The following MYO10 variants were observed in gnomAD, a reference collection of about 807,000 sequenced individuals.
The protein encoded by MYO10 is myosin X.
MYO10 carries 133 observed loss-of-function variants against 257.3 expected under a neutral mutation model. The observed-to-expected ratio is 0.52, with a 90% CI of 0.45 to 0.60. The LOEUF is 0.60. MYO10 is among the 20% of genes least tolerant of loss of function. The probability of loss-of-function intolerance (pLI) is 0.00; values close to 1 mark genes in which losing one functional copy is unlikely to be tolerated. For synonymous variants in MYO10, 1,104 were observed against 1,028.6 expected (o/e 1.07, Z -1.40); for missense variants, 2,399 against 2,635.7 (o/e 0.91, Z 1.97).
intron 3 of MYO10, among the ~76,000 whole-genome samples, chr5:16,795,749 TC>T (rs1478670374): frequency 6.6e-6 from 1 of 152,134 alleles, no homozygotes; most frequent in Non-Finnish European, 1.5e-5. Flanking sequence ...TTTTGAGTGA[TC>T]CTCCCTCCTT....
intron 39 of MYO10, 76 bp from the exon 40 acceptor site, chr5:16,668,544 G>A: frequency 1.6e-6 from 2 of 1,255,916 alleles, no homozygotes; most frequent in South Asian, 1.6e-5. Flanking sequence ...CATAAGACAG[G>A]CTTTGAGTGA....
At chr5:16,703,283 G>A in intron 22 of MYO10, 125 bp from the exon 23 acceptor site, 1 of 699,650 alleles carries the variant, frequency 1.4e-6, no homozygotes, top group Non-Finnish European at 2.4e-6. Flanking sequence ...TCTCATTATG[G>A]AAACTGGAGA....
intron 9 of MYO10, among the ~76,000 whole-genome samples, chr5:16,769,814 CAACAATAAAGA>C (rs1334866947): frequency 1.3e-5 from 2 of 152,054 alleles, no homozygotes; most frequent in Non-Finnish European, 2.9e-5. Flanking sequence ...ACAGTCATGA[CAACAATAAAGA>C]AACAGTTTTC....
Position 16,694,611 on chromosome 5 carries a change from C to T in MYO10, c.3560G>A (p.Gly1187Asp), listed in dbSNP as rs370190388. Residue 1187 changes from glycine (G) to aspartate (D), a missense_variant, in exon 27 of 41, where the codon GGC (glycine) becomes GAC (aspartate). Physicochemically the swap from Gly to Asp is moderately conservative, Grantham distance 94. Around this residue, in one of 3 missense-constraint regions of MYO10, gnomAD observed 1,820 missense variants for 1,939.4 expected, o/e 0.94. Transcript: ENST00000513610. ...YFHSFLYMKG[G>D]LMNSWKRRWC... is the part of the protein sequence containing the mutation. The stretch of plus-strand genomic sequence containing the variant: ...GCGGCGTTTCCAAGAGTTCATCAGG[C>T]CACCTGTTCCCCGTGAGATTGGGTA... 2.4e-5 allele frequency: 39 copies of T among 1,613,506 alleles called. No homozygotes were observed. The highest frequency in any genetic ancestry group is 4.2e-6 in the Non-Finnish European group (5 of 1,179,862).
intron 21 of MYO10, among the ~76,000 whole-genome samples, chr5:16,706,308 TATAC>T (rs1738338125): frequency 6.6e-6 from 1 of 151,940 alleles, no homozygotes; most frequent in Non-Finnish European, 1.5e-5. Flanking sequence ...AGAATATATA[TATAC>T]ACACACACAC....
chr5:16,731,295 A>C (rs1739572217), intron 19 of MYO10, among the ~76,000 whole-genome samples: 1 of 150,304 alleles, frequency 6.7e-6, no homozygotes, highest in Non-Finnish European at 1.5e-5. Flanking sequence ...CACCCACCTC[A>C]GCCTCCCAAA....
At chr5:16,805,536 C>T (rs541664346) in intron 3 of MYO10, among the ~76,000 whole-genome samples, 13 of 151,054 alleles carry the variant, frequency 8.6e-5, no homozygotes, top group Admixed American at 2.0e-4. Context: ...CATGGGCTCA[C>T]GTCATTTCTC....
At chr5:16,875,155 A>G (rs1259459172) in intron 2 of MYO10, among the ~76,000 whole-genome samples, 1 of 152,198 alleles carries the variant, frequency 6.6e-6, no homozygotes, top group Non-Finnish European at 1.5e-5. Flanking sequence ...TTGGGTGGGG[A>G]CACAGCCAAA....
chr5:16,710,611 T>G, intron 21 of MYO10: 1 of 399,324 alleles, frequency 2.5e-6, no homozygotes, highest in East Asian at 4.6e-5. Context: ...CAAAGTACTG[T>G]TATTCGTCTG....
intron 2 of MYO10, among the ~76,000 whole-genome samples, chr5:16,853,110 C>A (rs967619413): frequency 6.6e-6 from 1 of 152,164 alleles, no homozygotes; most frequent in Non-Finnish European, 1.5e-5. Context: ...GCGGCTCACG[C>A]CTGTAATCCC....
At chr5:16,894,340 G>T (rs1745161222) in intron 1 of MYO10, among the ~76,000 whole-genome samples, 1 of 152,032 alleles carries the variant, frequency 6.6e-6, no homozygotes, top group Non-Finnish European at 1.5e-5. Flanking sequence ...GCTGTCTGAA[G>T]TTTTTTTTCC....
intron 19 of MYO10, among the ~76,000 whole-genome samples, chr5:16,713,991 T>A (rs929303693): frequency 1.1e-4 from 16 of 152,132 alleles, no homozygotes; most frequent in African/African-American, 2.9e-4. Flanking sequence ...GCAATTACAG[T>A]CACTTGATCC....
At position 16,701,332 on chromosome 5, in the gene MYO10, A is replaced by AG. The variant is rs1738055521; in HGVS notation, c.3062_3063insC (p.Gly1022TrpfsTer7). 1.2e-6 allele frequency: 2 copies of AG among 1,613,704 alleles called. No individual in the cohort carries two copies. Among genetic ancestry groups the AG allele is most frequent in the African/African-American group, 2.7e-5 (2 of 74,920 alleles). On this transcript the variant is annotated frameshift_variant, in exon 25 of 41. Coordinates refer to ENST00000513610, the MANE Select transcript of MYO10 (RefSeq NM_012334.3). LOFTEE classifies it high-confidence loss of function. The surrounding 1 kb of genome is among the most constrained non-coding windows in gnomAD (Gnocchi z 8.1). ...AAGAGTCATCGCTGGTCCGGATGCC[A>AG]CTTGTTCGCTGGTCTGAGTGGCCGT...
At chr5:16,867,337 A>G (rs1744308157) in intron 2 of MYO10, among the ~76,000 whole-genome samples, 1 of 152,142 alleles carries the variant, frequency 6.6e-6, no homozygotes, top group African/African-American at 2.4e-5. Flanking sequence ...TGCATTCAAC[A>G]GGCTTGCGGA....
At chr5:16,713,476 G>T in intron 19 of MYO10, 1 of 985,826 alleles carries the variant, frequency 1.0e-6, no homozygotes, top group Non-Finnish European at 1.2e-6. Flanking sequence ...TTTAAAAAGT[G>T]CCCGGTCGCC....
chr5:16,933,981 C>A (rs1746365131), intron 1 of MYO10, among the ~76,000 whole-genome samples: 1 of 152,172 alleles, frequency 6.6e-6, no homozygotes, highest in Non-Finnish European at 1.5e-5. Flanking sequence ...CAAAGCTGGG[C>A]AAGGGACTTA....
chr5:16,916,328 T>C (rs1271301289), intron 1 of MYO10: 1 of 273,998 alleles, frequency 3.6e-6, no homozygotes, highest in African/African-American at 2.6e-5. Context: ...TCCCAATCAA[T>C]AAGAAAAGCA....
At chr5:16,895,392 G>C (rs952801621) in intron 1 of MYO10, among the ~76,000 whole-genome samples, 12 of 152,144 alleles carry the variant, frequency 7.9e-5, no homozygotes, top group African/African-American at 2.9e-4. Flanking sequence ...GTCCTGGTGA[G>C]GCAGCTCACC....
chr5:16,816,337 C>A (rs1442896960), intron 3 of MYO10, among the ~76,000 whole-genome samples: 399 of 106,112 alleles, frequency 3.8e-3, no homozygotes, highest in African/African-American at 0.01. Context: ...GACTCTGTCT[C>A]AAAAAAAAAA....
Sources: allele counts gnomAD v4.1 joint callset (sites outside exome capture counted in the v4.1 genomes callset), GRCh38; gene constraint gnomAD v4.1.1; regional missense constraint gnomAD v4.1.1; non-coding constraint Gnocchi (gnomAD v3.1); transcripts MANE v1.5; gene names NCBI Gene and HGNC (gene_info 2026-07-23, HGNC 2026-07-21).